The following SUMF1 variants were observed in gnomAD, a reference collection of about 807,000 sequenced individuals.
SUMF1 encodes formylglycine-generating enzyme.
A neutral mutation model predicts 47.6 loss-of-function variants in SUMF1; 48 were observed. The observed-to-expected ratio is 1.01, with a 90% confidence interval of 0.80 to 1.28. The LOEUF (loss-of-function observed/expected upper bound fraction) is 1.28. Among genes scored for constraint, SUMF1 ranks in the 50% most tolerant of loss-of-function variants. The pLI is 0.00. For missense variants in SUMF1, 571 were observed against 485.4 expected, an observed-to-expected ratio of 1.18 and a Z score of -1.66; for synonymous variants, 230 against 192.1, an observed-to-expected ratio of 1.20 and a Z score of -1.63.
At chr3:4,361,048 G>C (rs1559243599), downstream of SUMF1, 1 of 152,146 alleles carries the variant, frequency 6.6e-6, no homozygotes, top group Non-Finnish European at 1.5e-5. Flanking sequence ...TAACAAACAT[G>C]AACGTTTTCT....
intron 8 of SUMF1, among the ~76,000 whole-genome samples, chr3:4,201,832 G>C (rs1446570812): frequency 6.6e-6 from 1 of 151,958 alleles, no homozygotes; most frequent in African/African-American, 2.4e-5. Context: ...ATTGGGGTGA[G>C]ATGATATCCC....
chr3:4,194,232 C>T (rs1191968745), intron 8 of SUMF1, among the ~76,000 whole-genome samples: 1 of 152,100 alleles, frequency 6.6e-6, no homozygotes, highest in Non-Finnish European at 1.5e-5. Context: ...AGACTAGATA[C>T]TACCATATAC....
At chr3:4,132,047 T>G (rs1023890154) in intron 8 of SUMF1, among the ~76,000 whole-genome samples, 1 of 152,140 alleles carries the variant, frequency 6.6e-6, no homozygotes, top group African/African-American at 2.4e-5. Context: ...CTCAGGGTGA[T>G]CAGCCAGCTA....
downstream of SUMF1, among the ~76,000 whole-genome samples, chr3:4,357,991 C>CA (rs562730749): frequency 5.3e-5 from 8 of 151,448 alleles, no homozygotes; most frequent in Admixed American, 2.6e-4. Flanking sequence ...ATGCTCTGTT[C>CA]AAAAAAAAGT....
At chr3:4,171,792 G>T (rs1328885118) in intron 8 of SUMF1, among the ~76,000 whole-genome samples, 3 of 152,142 alleles carry the variant, frequency 2.0e-5, no homozygotes, top group Non-Finnish European at 4.4e-5. Flanking sequence ...AGCATGTTCA[G>T]AGGTAAGAAA....
intron 9 of SUMF1, among the ~76,000 whole-genome samples, chr3:4,058,292 C>T (rs1418526901): frequency 6.6e-6 from 1 of 152,170 alleles, no homozygotes; most frequent in Non-Finnish European, 1.5e-5. Flanking sequence ...ACTCCTTAAG[C>T]ATTGTCTGCA....
intron 8 of SUMF1, among the ~76,000 whole-genome samples, chr3:4,090,017 A>G (rs1032278487): frequency 6.6e-6 from 1 of 152,128 alleles, no homozygotes; most frequent in Non-Finnish European, 1.5e-5. Context: ...TCTCAAATCA[A>G]CAAACTGTGA....
At chr3:4,173,856 A>G (rs1426992858) in intron 8 of SUMF1, among the ~76,000 whole-genome samples, 3 of 152,140 alleles carry the variant, frequency 2.0e-5, no homozygotes, top group African/African-American at 7.2e-5. Flanking sequence ...AGGGAGGGGA[A>G]CATCACACAC....
intron 8 of SUMF1, among the ~76,000 whole-genome samples, chr3:4,108,826 G>A (rs368977152): frequency 3.9e-5 from 6 of 152,180 alleles, no homozygotes; most frequent in East Asian, 1.9e-4. Flanking sequence ...GTCCCTGCAC[G>A]TGAGATGGGT....
At chr3:4,265,599 G>C (rs1559631081) in intron 8 of SUMF1, among the ~76,000 whole-genome samples, 1 of 152,124 alleles carries the variant, frequency 6.6e-6, no homozygotes, top group Non-Finnish European at 1.5e-5. Context: ...TTGTAAATTT[G>C]TTTGAGCTCA....
intron 8 of SUMF1, among the ~76,000 whole-genome samples, chr3:4,172,209 C>G (rs1399594842): frequency 6.6e-6 from 1 of 152,098 alleles, no homozygotes; most frequent in Non-Finnish European, 1.5e-5. Flanking sequence ...TTGAACTTTG[C>G]AGACAAAGGG....
chr3:4,439,433 G>A (rs912436388), intron 3 of SUMF1, among the ~76,000 whole-genome samples: 2 of 152,090 alleles, frequency 1.3e-5, no homozygotes, highest in African/African-American at 4.8e-5. Flanking sequence ...GGCAGAGGTG[G>A]GAGGATGGCT....
intron 8 of SUMF1, among the ~76,000 whole-genome samples, chr3:4,299,283 T>G (rs994771497): frequency 6.6e-6 from 1 of 152,212 alleles, no homozygotes. Context: ...CAGGCAGCTC[T>G]GTGACCTGCT....
At chr3:4,091,000 G>C (rs1320368752) in intron 8 of SUMF1, among the ~76,000 whole-genome samples, 1 of 151,634 alleles carries the variant, frequency 6.6e-6, no homozygotes, top group Non-Finnish European at 1.5e-5. Flanking sequence ...AGAATCGCTT[G>C]AACCAGAGAG....
At chr3:4,165,906 T>C (rs1364544984) in intron 8 of SUMF1, among the ~76,000 whole-genome samples, 1 of 139,250 alleles carries the variant, frequency 7.2e-6, no homozygotes, top group African/African-American at 2.7e-5. Context: ...CCCTGGACCC[T>C]GCTGATCAGA....
intron 8 of SUMF1, among the ~76,000 whole-genome samples, chr3:4,254,254 C>G (rs915348166): frequency 1.3e-5 from 2 of 151,954 alleles, no homozygotes; most frequent in South Asian, 2.1e-4. Context: ...CGGAACAAAG[C>G]TGGATGGAGA....
At chr3:4,370,822 A>C (rs1275180256) in intron 8 of SUMF1, among the ~76,000 whole-genome samples, 1 of 152,190 alleles carries the variant, frequency 6.6e-6, no homozygotes, top group Non-Finnish European at 1.5e-5. Flanking sequence ...TTATGCTATG[A>C]AAATGTTTTC....
At chr3:4,269,011 T>C (rs548934519) in intron 8 of SUMF1, among the ~76,000 whole-genome samples, 3 of 152,122 alleles carry the variant, frequency 2.0e-5, no homozygotes, top group Non-Finnish European at 4.4e-5. Context: ...TTTTTAAGTG[T>C]TAATTTTTAA....
chr3:4,178,306 A>G (rs574648573), intron 8 of SUMF1, among the ~76,000 whole-genome samples: 12 of 152,330 alleles, frequency 7.9e-5, no homozygotes, highest in Non-Finnish European at 1.3e-4. Context: ...AATACTGGCA[A>G]ACCGAATCCA....
Sources: allele counts gnomAD v4.1 joint callset (sites outside exome capture counted in the v4.1 genomes callset), GRCh38; gene constraint gnomAD v4.1.1; transcripts MANE v1.5; gene names NCBI Gene and HGNC (gene_info 2026-07-23, HGNC 2026-07-21).